MARCHF4: variants seen among roughly 807,000 people sequenced by gnomAD.
MARCHF4 encodes E3 ubiquitin-protein ligase MARCHF4.
Under a neutral mutation model 43.9 loss-of-function variants are expected in MARCHF4, and 14 were observed. That is an observed-to-expected ratio of 0.32 (90% confidence interval 0.21 to 0.50). The LOEUF (loss-of-function observed/expected upper bound fraction) is 0.50. Among genes scored for constraint, MARCHF4 ranks in the 20% least tolerant of loss-of-function variants. The pLI, the probability that MARCHF4 is intolerant of heterozygous loss-of-function variation, is 0.98. For missense variants in MARCHF4, 468 were observed against 536.7 expected (o/e 0.87, Z 1.27); for synonymous variants, 226 against 213.3 (o/e 1.06, Z -0.52).
chr2:216,275,686 G>A (rs561232865), intron 3 of MARCHF4, among the ~76,000 whole-genome samples: 1 of 152,166 alleles, frequency 6.6e-6, no homozygotes, highest in Non-Finnish European at 1.5e-5. Flanking sequence ...GTGGTAGCAG[G>A]CATTTATGCT....
intron 1 of MARCHF4, among the ~76,000 whole-genome samples, chr2:216,327,873 C>A (rs1692020231): frequency 6.6e-6 from 1 of 150,996 alleles, no homozygotes; most frequent in Non-Finnish European, 1.5e-5. Flanking sequence ...TTTCTACAGT[C>A]ACCAGATCTT....
intron 1 of MARCHF4, among the ~76,000 whole-genome samples, chr2:216,349,769 G>C (rs1692371364): frequency 6.6e-6 from 1 of 152,184 alleles, no homozygotes; most frequent in South Asian, 2.1e-4. Context: ...AAAGTGACAA[G>C]GCTGGAGGCT....
chr2:216,309,950 A>G (rs894562475), intron 1 of MARCHF4, among the ~76,000 whole-genome samples: 1 of 152,098 alleles, frequency 6.6e-6, no homozygotes, highest in African/African-American at 2.4e-5. Flanking sequence ...CTAGCTACAA[A>G]CACACACCAC....
intron 2 of MARCHF4, among the ~76,000 whole-genome samples, chr2:216,279,478 G>A (rs1042127572): frequency 6.6e-6 from 1 of 152,184 alleles, no homozygotes; most frequent in African/African-American, 2.4e-5. Context: ...AAGGTAGGGG[G>A]AGGACATCTT....
intron 3 of MARCHF4, among the ~76,000 whole-genome samples, chr2:216,260,184 A>G (rs1368929026): frequency 6.6e-6 from 1 of 152,252 alleles, no homozygotes; most frequent in African/African-American, 2.4e-5. Flanking sequence ...ATGCAGTTAT[A>G]TCTGCCAGAG....
intron 1 of MARCHF4, among the ~76,000 whole-genome samples, chr2:216,287,179 T>C (rs576446881): frequency 1.3e-5 from 2 of 152,294 alleles, no homozygotes; most frequent in Admixed American, 6.5e-5. Flanking sequence ...ATCCACAGTT[T>C]GGTACTTCAC....
At chr2:216,311,684 C>A (rs1026384845) in intron 1 of MARCHF4, among the ~76,000 whole-genome samples, 8 of 151,952 alleles carry the variant, frequency 5.3e-5, no homozygotes, top group African/African-American at 1.7e-4. Context: ...GGGTAAGAAC[C>A]TTTTTTATTA....
At chr2:216,275,975 T>C (rs1162367772) in intron 3 of MARCHF4, among the ~76,000 whole-genome samples, 1 of 152,160 alleles carries the variant, frequency 6.6e-6, no homozygotes, top group Non-Finnish European at 1.5e-5. Flanking sequence ...CTGAACCCAA[T>C]GCACAACCAG....
At chr2:216,304,881 G>T (rs894063823) in intron 1 of MARCHF4, among the ~76,000 whole-genome samples, 1 of 151,994 alleles carries the variant, frequency 6.6e-6, no homozygotes, top group Non-Finnish European at 1.5e-5. Flanking sequence ...TTGAACCCAG[G>T]AGGTGGAGGT....
intron 1 of MARCHF4, among the ~76,000 whole-genome samples, chr2:216,347,766 T>C (rs997647501): frequency 6.6e-6 from 1 of 150,444 alleles, no homozygotes; most frequent in Admixed American, 6.6e-5. Flanking sequence ...AAAAATGCCC[T>C]TGATGGAGAT....
chr2:216,290,812 C>T (rs1171748574), intron 1 of MARCHF4, among the ~76,000 whole-genome samples: 1 of 152,070 alleles, frequency 6.6e-6, no homozygotes, highest in African/African-American at 2.4e-5. Flanking sequence ...TAATTTTTAC[C>T]TGCACAATGA....
chr2:216,308,927 C>T (rs1199939792), intron 1 of MARCHF4, among the ~76,000 whole-genome samples: 1 of 152,148 alleles, frequency 6.6e-6, no homozygotes, highest in African/African-American at 2.4e-5. Flanking sequence ...ATATTCAAAC[C>T]TATTCATGGT....
At chr2:216,312,577 C>A (rs1244430434) in intron 1 of MARCHF4, among the ~76,000 whole-genome samples, 6 of 152,146 alleles carry the variant, frequency 3.9e-5, no homozygotes, top group Non-Finnish European at 8.8e-5. Flanking sequence ...TACTAATAGC[C>A]TTTCTGACTA....
intron 1 of MARCHF4, among the ~76,000 whole-genome samples, chr2:216,291,835 C>A (rs1691311507): frequency 6.6e-6 from 1 of 152,172 alleles, no homozygotes; most frequent in Non-Finnish European, 1.5e-5. Context: ...ATTTCCTTCA[C>A]TTTATAGATG....
intron 3 of MARCHF4, among the ~76,000 whole-genome samples, chr2:216,263,980 T>C (rs948891362): frequency 6.6e-6 from 1 of 151,006 alleles, no homozygotes; most frequent in Non-Finnish European, 1.5e-5. Context: ...GTGGGCTTCA[T>C]CCCACAGCTA....
At chr2:216,341,228 G>A (rs146311978) in intron 1 of MARCHF4, among the ~76,000 whole-genome samples, 1 of 152,176 alleles carries the variant, frequency 6.6e-6, no homozygotes, top group African/African-American at 2.4e-5. Context: ...TGGCTGTTCT[G>A]TTTGTTTCCA....
chr2:216,337,356 A>G (rs770780859), intron 1 of MARCHF4, among the ~76,000 whole-genome samples: 11 of 152,234 alleles, frequency 7.2e-5, no homozygotes, highest in Non-Finnish European at 1.2e-4. Context: ...TGATGTCTTG[A>G]AAAGTTCTTC....
At chr2:216,319,784 C>T (rs1574475557) in intron 1 of MARCHF4, among the ~76,000 whole-genome samples, 1 of 152,166 alleles carries the variant, frequency 6.6e-6, no homozygotes. Context: ...ACATCCCCAG[C>T]CCGTCACTCA....
chr2:216,351,712 C>T (rs896801478), intron 1 of MARCHF4, among the ~76,000 whole-genome samples: 3 of 152,104 alleles, frequency 2.0e-5, no homozygotes, highest in African/African-American at 4.8e-5. Context: ...AGCATCTATG[C>T]CTGACAGTAA....
Sources: allele counts gnomAD v4.1 joint callset (sites outside exome capture counted in the v4.1 genomes callset), GRCh38; gene constraint gnomAD v4.1.1; transcripts MANE v1.5; gene names NCBI Gene and HGNC (gene_info 2026-07-23, HGNC 2026-07-21).